The following URB1 variants were observed in gnomAD, a reference collection of about 807,000 sequenced individuals.
URB1 encodes URB1 ribosome biogenesis factor, also known as nucleolar pre-ribosomal-associated protein 1.
URB1 carries 197 observed loss-of-function variants against 242.3 expected under a neutral mutation model. That is an observed-to-expected ratio of 0.81 (90% CI 0.72 to 0.91). The LOEUF is 0.91. Ranked by LOEUF, URB1 falls within the 40% of genes least tolerant of loss-of-function variation. The pLI is 0.00. For missense variants in URB1, 2,721 were observed against 2,860.5 expected, an observed-to-expected ratio of 0.95 and a Z score of 1.11; for synonymous variants, 1,153 against 1,201.8, an observed-to-expected ratio of 0.96 and a Z score of 0.84.
intron 7 of URB1, among the ~76,000 whole-genome samples, chr21:32,373,178 A>C (rs1261303174): frequency 2.0e-5 from 3 of 152,188 alleles, no homozygotes; most frequent in African/African-American, 7.2e-5. Context: ...GTTAACTAGC[A>C]CAAAATAAAT....
intron 8 of URB1, 67 bp downstream of exon 8, chr21:32,372,440 A>G: frequency 1.3e-6 from 2 of 1,503,276 alleles, no homozygotes; most frequent in South Asian, 1.3e-5. Flanking sequence ...TCCACTAGAC[A>G]CTCACATATG....
intron 25 of URB1, among the ~76,000 whole-genome samples, chr21:32,340,566 TCA>T (rs1030476226): frequency 1.3e-5 from 2 of 151,030 alleles, no homozygotes; most frequent in African/African-American, 4.9e-5. Flanking sequence ...TAAGCCGAGA[TCA>T]CACCATTGTA....
chr21:32,344,768 GAT>G lies in URB1; in HGVS notation c.4071-14_4071-13del. ...CGGCCACGATCCACCTGCAGCAGGAGATGAGAGTCAGAGACAGAGAGCAGGTT... is the reference window on the plus strand; with the variant it reads ...CGGCCACGATCCACCTGCAGCAGGAGGAGAGTCAGAGACAGAGAGCAGGTT... On this transcript the variant is annotated splice_polypyrimidine_tract_variant and intron_variant, in intron 23 of 38. Transcript: ENST00000382751. 1 of 1,548,506 alleles carries G rather than the reference GAT, an allele frequency of 6.5e-7. No homozygotes were observed. Among genetic ancestry groups the G allele is most frequent in the Non-Finnish European group, 8.7e-7 (1 of 1,145,934 alleles).
chr21:32,320,900 C>A (rs2032757521), intron 34 of URB1, among the ~76,000 whole-genome samples: 1 of 152,186 alleles, frequency 6.6e-6, no homozygotes, highest in Non-Finnish European at 1.5e-5. Context: ...TGGAACCCAC[C>A]CACAAGCAAA....
intron 31 of URB1, 139 bp downstream of exon 31, chr21:32,325,090 G>A (rs570077129): frequency 2.7e-6 from 3 of 1,119,356 alleles, no homozygotes; most frequent in Non-Finnish European, 3.7e-6. Flanking sequence ...ACAGACTTTT[G>A]CTCTTCAGCA....
Position 32,319,231 on chromosome 21 carries a change from G to A in URB1, c.5778C>T (p.Leu1926=), listed in dbSNP as rs772920524. Residue 1926 remains leucine, a synonymous_variant, in exon 36 of 39, where the codon CTC becomes CTT. Coordinates refer to ENST00000382751, the MANE Select transcript of URB1 (RefSeq NM_014825.3). ...GCAGGACTCACCTCAGGTGCTTCAT[G>A]AGCACGATGAGAACATAAAGGAACT... ...VNEFLYVLIV[L]MKHLRPTLAP... is the part of the protein sequence containing the mutation. 2.6e-6 allele frequency: 4 copies of A among 1,550,160 alleles called. No individual in the cohort carries two copies. The highest frequency in any genetic ancestry group is 2.4e-5 in the East Asian group (1 of 40,838).
At chr21:32,324,733 C>T (rs1355441538) in intron 31 of URB1, 131 bp from the exon 32 acceptor site, 9 of 655,060 alleles carry the variant, frequency 1.4e-5, no homozygotes, top group South Asian at 1.9e-5. Flanking sequence ...CCACTGAAGA[C>T]GAAGCTCACA....
intron 12 of URB1, 60 bp from the exon 13 acceptor site, chr21:32,361,183 G>GAAAGAAAGAAAGAAAGAAAGAAAC: frequency 1.2e-6 from 1 of 810,286 alleles, no homozygotes; most frequent in East Asian, 2.9e-5. Context: ...AAGAAAGAAA[G>GAAAGAAAGAAAGAAAGAAAGAAAC]AAAGAAAGAA....
chr21:32,390,395 A>C lies in URB1; in HGVS notation c.142+2374T>G, dbSNP rs146719790. Among the ~76,000 whole-genome samples the C allele has an allele frequency of 7.0e-3, 1,057 of 151,996 alleles. 21 individuals carry two copies. Among genetic ancestry groups the C allele is most frequent in the African/African-American group, 0.025 (1,024 of 41,430 alleles). On this transcript the variant is annotated intron_variant, in intron 1 of 38. Transcript: ENST00000382751. ...GGCCAGTGATGATGAGCATTTTTTC[A>C]TGTGTCTTTTGGCTGCATAAATGTC...
At chr21:32,364,285 T>C (rs2033321206) in intron 10 of URB1, among the ~76,000 whole-genome samples, 2 of 152,128 alleles carry the variant, frequency 1.3e-5, no homozygotes, top group South Asian at 4.1e-4. Context: ...AGGAGGATCA[T>C]ATGATGGCAT....
intron 38 of URB1, among the ~76,000 whole-genome samples, 189 bp downstream of exon 38, chr21:32,316,277 C>T (rs2032683377): frequency 1.3e-5 from 2 of 152,236 alleles, no homozygotes; most frequent in Admixed American, 6.5e-5. Flanking sequence ...GACTTCCTTC[C>T]CTTCACATTC....
chr21:32,354,077 C>T lies in URB1; in HGVS notation c.2272G>A (p.Val758Met). Residue 758 changes from valine to methionine, a missense_variant, in exon 18 of 39, where the codon GTG becomes ATG. Val to Met is a conservative substitution (Grantham distance 21). Coordinates refer to ENST00000382751, the MANE Select transcript of URB1 (RefSeq NM_014825.3). ...TCATCCAAGCCTTCACTGCCCTCCA[C>T]CAGGACATCCACCATGTCGAGAACA... ...DDVLDMVDVL[V>M]EGSEGLDEEI... 6.4e-7 allele frequency: 1 copy of T among 1,551,720 alleles called. No individual in the cohort carries two copies. The highest frequency in any genetic ancestry group is 8.7e-7 in the Non-Finnish European group (1 of 1,146,998).
intron 10 of URB1, among the ~76,000 whole-genome samples, chr21:32,363,564 G>A (rs889707415): frequency 5.9e-5 from 9 of 152,200 alleles, no homozygotes; most frequent in Admixed American, 2.6e-4. Flanking sequence ...TCCAGCAGTA[G>A]TTTCATTTTT....
Position 32,316,765 on chromosome 21 carries a change from G to T in URB1, c.6335C>A (p.Pro2112Gln), listed in dbSNP as rs1261315141. 7 of 1,550,318 alleles carry T rather than the reference G, an allele frequency of 4.5e-6. No homozygotes were observed. The highest frequency in any genetic ancestry group is 6.1e-6 in the Non-Finnish European group (7 of 1,146,350). The change falls in exon 38 of 39, where the codon CCG (proline) becomes CAG (glutamine). Residue 2112 changes from proline to glutamine, a missense_variant. Transcript: ENST00000382751. Reference sequence around the variant, plus strand: ...TCCTGCAGCCTCTGCCCTGCTGAGCGGGTGCTCGGCCACCGACCGCAGCAC... The same window carrying T: ...TCCTGCAGCCTCTGCCCTGCTGAGCTGGTGCTCGGCCACCGACCGCAGCAC... ...SWVLRSVAEH[P>Q]LSRAEAAGLI...
Position 32,317,897 on chromosome 21 carries a change from T to C in URB1, c.5813A>G (p.Gln1938Arg). 2 of 1,551,710 alleles carry C rather than the reference T, an allele frequency of 1.3e-6. No homozygotes were observed. Among genetic ancestry groups the C allele is most frequent in the South Asian group, 1.2e-5 (1 of 84,046 alleles). ...KHLRPTLAPV[Q>R]LTNFFGTLDS... ...AAGTGTCCCGAAGAAGTTGGTCAGC[T>C]GGACGGGGGCCAAGGTGGGCCTGTT... Residue 1938 changes from glutamine to arginine, a missense_variant, in exon 37 of 39, where the codon CAG (glutamine) becomes CGG (arginine). Coordinates refer to ENST00000382751, the MANE Select transcript of URB1 (RefSeq NM_014825.3).
chr21:32,372,454 T>G, intron 8 of URB1, 53 bp downstream of exon 8: 2 of 1,529,844 alleles, frequency 1.3e-6, no homozygotes, highest in South Asian at 1.2e-5. Flanking sequence ...ACATATGTGG[T>G]GACTTCTGAG....
intron 8 of URB1, among the ~76,000 whole-genome samples, chr21:32,371,307 C>T (rs1387921426): frequency 6.6e-6 from 1 of 152,218 alleles, no homozygotes; most frequent in East Asian, 1.9e-4. Flanking sequence ...TCACAGCTTG[C>T]TGCAAAGAGA....
At chr21:32,360,032 T>C (rs973069673) in intron 13 of URB1, 124 bp from the exon 14 acceptor site, 2 of 849,440 alleles carry the variant, frequency 2.4e-6, no homozygotes, top group Non-Finnish European at 3.7e-6. Context: ...TGCAGGGTTC[T>C]GTTTCTCTGT....
chr21:32,359,878 T>A lies in URB1; in HGVS notation c.1787A>T (p.Glu596Val). The A allele has an allele frequency of 1.9e-6, 3 of 1,547,898 alleles. No individual in the cohort carries two copies. The Admixed American group carries it at 6.0e-5, about 31-fold the overall frequency. ...GVISEQGLRE[E>V]VPPILQHHML... ...GTGGTGCTGCAGAATGGGAGGCACC[T>A]CCTCTCGAAGGCCCTGCTCAGAGAT... Residue 596 changes from glutamate (E) to valine (V), a missense_variant, in exon 14 of 39, where the codon GAG becomes GTG. Coordinates refer to ENST00000382751, the MANE Select transcript of URB1 (RefSeq NM_014825.3).
Sources: gnomAD v4.1 joint callset for allele counts (sites outside exome capture counted in the v4.1 genomes callset) on GRCh38, gnomAD v4.1.1 for gene constraint, MANE v1.5 for transcripts, NCBI Gene and HGNC (gene_info 2026-07-23, HGNC 2026-07-21) for gene names.